The following EPHB1 variants were observed in gnomAD, a reference collection of about 807,000 sequenced individuals.
EPHB1 encodes ephrin type-B receptor 1.
EPHB1 carries 30 observed loss-of-function variants against 94.4 expected under a neutral mutation model. That is an observed-to-expected ratio of 0.32 (90% CI 0.24 to 0.43). The LOEUF (loss-of-function observed/expected upper bound fraction) is 0.43. Among genes scored for constraint, EPHB1 ranks in the 20% least tolerant of loss-of-function variants. EPHB1 has a pLI of 1.00. For synonymous variants in EPHB1, 522 were observed against 489.1 expected (o/e 1.07, Z -0.89); for missense variants, 1,055 against 1,308.3 (o/e 0.81, Z 2.99).
intron 13 of EPHB1, among the ~76,000 whole-genome samples, chr3:135,246,276 T>C (rs1428364705): frequency 6.6e-6 from 1 of 152,164 alleles, no homozygotes; most frequent in African/African-American, 2.4e-5. Flanking sequence ...CTAGGGGCCA[T>C]TCAATGGGTA....
At chr3:134,981,600 A>G (rs1442139734) in intron 3 of EPHB1, among the ~76,000 whole-genome samples, 1 of 152,230 alleles carries the variant, frequency 6.6e-6, no homozygotes, top group African/African-American at 2.4e-5. Flanking sequence ...TGAGTACCAC[A>G]TGACAACCAC....
At chr3:135,097,171 T>G (rs59888641) in intron 3 of EPHB1, among the ~76,000 whole-genome samples, 6,503 of 142,734 alleles carry the variant, frequency 0.046, 435 homozygotes, top group African/African-American at 0.12. Flanking sequence ...TTTCTTTGTT[T>G]TTTTTTTTTT....
At chr3:134,950,311 A>C (rs1932974777) in intron 2 of EPHB1, among the ~76,000 whole-genome samples, 1 of 152,184 alleles carries the variant, frequency 6.6e-6, no homozygotes, top group Admixed American at 6.5e-5. Context: ...ATTTTCCTCC[A>C]TCATAGCCTT....
chr3:135,138,600 T>G (rs1576419122), intron 5 of EPHB1, among the ~76,000 whole-genome samples: 1 of 152,336 alleles, frequency 6.6e-6, no homozygotes. Flanking sequence ...AGTTCATTTT[T>G]AAGGGCTGTG....
intron 9 of EPHB1, among the ~76,000 whole-genome samples, chr3:135,177,599 G>C (rs1420999365): frequency 6.6e-6 from 1 of 152,232 alleles, no homozygotes; most frequent in African/African-American, 2.4e-5. Flanking sequence ...ATGACCCACA[G>C]TGGTCAGTGG....
intron 1 of EPHB1, among the ~76,000 whole-genome samples, chr3:134,912,482 T>A (rs2038474126): frequency 6.6e-6 from 1 of 152,214 alleles, no homozygotes; most frequent in Non-Finnish European, 1.5e-5. Flanking sequence ...ATTTAAAGGC[T>A]GTTTCTGGAC....
chr3:135,091,805 GTCC>G (rs1938567997), intron 3 of EPHB1, among the ~76,000 whole-genome samples: 1 of 152,152 alleles, frequency 6.6e-6, no homozygotes. Context: ...AGCAGTGCCT[GTCC>G]TCGGTGTGAC....
chr3:134,835,750 A>G (rs73229138), intron 1 of EPHB1, among the ~76,000 whole-genome samples: 8,608 of 152,074 alleles, frequency 0.057, 250 homozygotes, highest in Middle Eastern at 0.082. Context: ...CTGAGTGGGG[A>G]GGAGGAGGTC....
At chr3:135,138,378 A>G (rs1335043246) in intron 5 of EPHB1, among the ~76,000 whole-genome samples, 1 of 152,252 alleles carries the variant, frequency 6.6e-6, no homozygotes, top group African/African-American at 2.4e-5. Flanking sequence ...ATTCCTCTGA[A>G]TACATCACCT....
intron 3 of EPHB1, among the ~76,000 whole-genome samples, chr3:135,089,292 T>C (rs1381927535): frequency 3.9e-5 from 6 of 152,234 alleles, no homozygotes; most frequent in African/African-American, 1.4e-4. Context: ...ACTGGACTTA[T>C]TTGAGCCTTA....
At chr3:134,925,377 G>T (rs1454841707) in intron 1 of EPHB1, among the ~76,000 whole-genome samples, 2 of 152,212 alleles carry the variant, frequency 1.3e-5, no homozygotes, top group African/African-American at 4.8e-5. Flanking sequence ...GCTGCATAAT[G>T]GGGAGGAAGA....
chr3:135,151,402 T>C (rs1406069407), intron 5 of EPHB1, among the ~76,000 whole-genome samples: 3 of 152,014 alleles, frequency 2.0e-5, no homozygotes, highest in Admixed American at 1.3e-4. Context: ...CTCCCTCCCT[T>C]CCCTCCTTCA....
chr3:135,163,997 G>T (rs1050262586), intron 7 of EPHB1, among the ~76,000 whole-genome samples: 2 of 152,058 alleles, frequency 1.3e-5, no homozygotes, highest in African/African-American at 2.4e-5. Flanking sequence ...CTCCACATAG[G>T]GCAGACCCAC....
intron 3 of EPHB1, among the ~76,000 whole-genome samples, chr3:135,007,245 C>CCT (rs1159683949): frequency 1.3e-5 from 2 of 152,188 alleles, no homozygotes; most frequent in African/African-American, 4.8e-5. Flanking sequence ...CACTCCCTTA[C>CCT]CTCCCTTGCA....
At chr3:134,805,052 A>G (rs983103439) in intron 1 of EPHB1, among the ~76,000 whole-genome samples, 1 of 152,244 alleles carries the variant, frequency 6.6e-6, no homozygotes, top group African/African-American at 2.4e-5. Context: ...GCACATCAAC[A>G]TAGGACCTTT....
intron 3 of EPHB1, among the ~76,000 whole-genome samples, chr3:135,052,931 GTATATA>G (rs1227209038): frequency 3.2e-5 from 3 of 93,828 alleles, no homozygotes; most frequent in African/African-American, 1.2e-4. Context: ...GTGTGTGTGT[GTATATA>G]TGTGTGTATA....
rs2107736309 is a variant in EPHB1, at chr3:135,259,045, C to T, written c.2880C>T (p.Gly960=). 6.2e-7 allele frequency: 1 copy of T among 1,610,090 alleles called. No homozygotes were observed. Among genetic ancestry groups the T allele is most frequent in the Non-Finnish European group, 8.5e-7 (1 of 1,178,352 alleles). ...TGAGAATAGGCATCACCTTGGCAGG[C>T]CATCAGAAGAAGATCCTGAACAGCA... The part of the protein sequence containing the change: ...DLLRIGITLA[G]HQKKILNSIH... The change falls in exon 16 of 16, where the codon GGC becomes GGT. Residue 960 remains glycine, a synonymous_variant. Transcript: ENST00000398015.
intron 1 of EPHB1, among the ~76,000 whole-genome samples, chr3:134,811,272 C>CTTTTT (rs1202094580): frequency 4.3e-5 from 1 of 23,216 alleles, no homozygotes; most frequent in Admixed American, 7.2e-4. Flanking sequence ...TTCTGTCTTG[C>CTTTTT]TCTGTCCCCA....
At chr3:134,847,252 C>T (rs944453513) in intron 1 of EPHB1, among the ~76,000 whole-genome samples, 1 of 152,112 alleles carries the variant, frequency 6.6e-6, no homozygotes, top group Non-Finnish European at 1.5e-5. Flanking sequence ...GGGGCTCCAC[C>T]TCCGGCTTCA....
Sources: gnomAD v4.1 joint callset for allele counts (sites outside exome capture counted in the v4.1 genomes callset) on GRCh38, gnomAD v4.1.1 for gene constraint, MANE v1.5 for transcripts, NCBI Gene and HGNC (gene_info 2026-07-23, HGNC 2026-07-21) for gene names.